MAGI2: variants seen among roughly 807,000 people sequenced by gnomAD.
MAGI2 encodes membrane associated guanylate kinase, WW and PDZ domain containing 2.
MAGI2 carries 35 observed loss-of-function variants against 133.3 expected under a neutral mutation model. The ratio of observed to expected loss-of-function variants is 0.26; its 90% CI spans 0.20 to 0.35. The LOEUF is 0.35. MAGI2 is among the 10% of genes least tolerant of loss of function. MAGI2 has a pLI of 1.00. For missense variants in MAGI2, 1,636 were observed against 1,863.4 expected, an observed-to-expected ratio of 0.88 and a Z score of 2.25; for synonymous variants, 729 against 710.6, an observed-to-expected ratio of 1.03 and a Z score of -0.41.
chr7:78,607,610 G>T (rs2150900081), intron 3 of MAGI2, among the ~76,000 whole-genome samples: 1 of 152,204 alleles, frequency 6.6e-6, no homozygotes, highest in Admixed American at 6.5e-5. Flanking sequence ...TGACCTTTGT[G>T]GTGGTTTAGC....
chr7:78,021,005 C>G (rs981858558), intron 21 of MAGI2, among the ~76,000 whole-genome samples: 1 of 152,076 alleles, frequency 6.6e-6, no homozygotes. Flanking sequence ...AGACAATTGA[C>G]AACATCAAAA....
chr7:79,326,001 A>G (rs1839668037), intron 1 of MAGI2, among the ~76,000 whole-genome samples: 1 of 152,126 alleles, frequency 6.6e-6, no homozygotes, highest in Admixed American at 6.6e-5. Context: ...ACTTCCTCCA[A>G]TTGTGAATCA....
At chr7:79,350,389 G>C (rs2129108831) in intron 1 of MAGI2, among the ~76,000 whole-genome samples, 1 of 152,190 alleles carries the variant, frequency 6.6e-6, no homozygotes. Context: ...TTTTAAACAA[G>C]CACAGAATTT....
intron 2 of MAGI2, among the ~76,000 whole-genome samples, chr7:78,947,666 C>T (rs1174984628): frequency 6.6e-6 from 1 of 152,040 alleles, no homozygotes; most frequent in African/African-American, 2.4e-5. Context: ...TTAAATAGCA[C>T]TTGGCTATTC....
intron 16 of MAGI2, among the ~76,000 whole-genome samples, chr7:78,135,477 A>G (rs553945606): frequency 6.6e-6 from 1 of 152,324 alleles, no homozygotes; most frequent in African/African-American, 2.4e-5. Flanking sequence ...ACCTAGAGTT[A>G]AAAAGACAGC....
chr7:78,406,081 T>G (rs1003002921), intron 6 of MAGI2, among the ~76,000 whole-genome samples: 1 of 152,044 alleles, frequency 6.6e-6, no homozygotes, highest in Non-Finnish European at 1.5e-5. Context: ...TATGTCTAAA[T>G]GACCTTTGTT....
At chr7:78,718,543 G>T (rs1413654602) in intron 2 of MAGI2, among the ~76,000 whole-genome samples, 1 of 151,832 alleles carries the variant, frequency 6.6e-6, no homozygotes, top group Non-Finnish European at 1.5e-5. Flanking sequence ...GTGAATGTGA[G>T]GGGTGTAGGT....
At chr7:78,467,546 T>G (rs972052980) in intron 6 of MAGI2, among the ~76,000 whole-genome samples, 1 of 151,512 alleles carries the variant, frequency 6.6e-6, no homozygotes, top group African/African-American at 2.4e-5. Flanking sequence ...AACAATATAC[T>G]TAGAGGGTAT....
intron 1 of MAGI2, among the ~76,000 whole-genome samples, chr7:79,435,940 T>C (rs1288715155): frequency 2.0e-5 from 3 of 151,760 alleles, no homozygotes; most frequent in African/African-American, 4.8e-5. Context: ...CAATGGAAAA[T>C]AGTAAAGAGT....
At chr7:78,242,027 A>T (rs544332584) in intron 10 of MAGI2, among the ~76,000 whole-genome samples, 1 of 152,294 alleles carries the variant, frequency 6.6e-6, no homozygotes, top group Admixed American at 6.5e-5. Flanking sequence ...TAGACAGCAC[A>T]TAAGGAATAG....
intron 1 of MAGI2, among the ~76,000 whole-genome samples, chr7:79,119,066 AT>A (rs764029522): frequency 8.6e-5 from 13 of 152,046 alleles, no homozygotes; most frequent in Non-Finnish European, 7.4e-5. Flanking sequence ...TACTTGCTTT[AT>A]TTTCCCTATA....
chr7:79,425,485 T>C (rs1359694141), intron 1 of MAGI2, among the ~76,000 whole-genome samples: 3 of 151,632 alleles, frequency 2.0e-5, no homozygotes, highest in Non-Finnish European at 4.4e-5. Context: ...TTGGGGGTTC[T>C]CTAGTACTTC....
intron 3 of MAGI2, among the ~76,000 whole-genome samples, chr7:78,620,790 G>A (rs1807651680): frequency 6.6e-6 from 1 of 151,884 alleles, no homozygotes; most frequent in Admixed American, 6.6e-5. Flanking sequence ...TTAACTCTAG[G>A]ATCAATGACC....
chr7:78,778,895 C>T (rs889532393), intron 2 of MAGI2, among the ~76,000 whole-genome samples: 1 of 146,646 alleles, frequency 6.8e-6, no homozygotes, highest in African/African-American at 2.5e-5. Flanking sequence ...CAGGGCTTTC[C>T]TTTTCAGCCT....
chr7:78,264,536 T>C (rs1793816623), intron 9 of MAGI2, among the ~76,000 whole-genome samples: 1 of 152,208 alleles, frequency 6.6e-6, no homozygotes, highest in South Asian at 2.1e-4. Flanking sequence ...GGGAATCCAC[T>C]GTATTTGCTA....
chr7:79,444,048 A>G (rs1312150935), intron 1 of MAGI2, among the ~76,000 whole-genome samples: 1 of 152,220 alleles, frequency 6.6e-6, no homozygotes, highest in Non-Finnish European at 1.5e-5. Context: ...TATAAACAGA[A>G]CCAACAATAA....
At chr7:79,364,106 C>A (rs954838316) in intron 1 of MAGI2, among the ~76,000 whole-genome samples, 1 of 151,750 alleles carries the variant, frequency 6.6e-6, no homozygotes, top group Non-Finnish European at 1.5e-5. Flanking sequence ...GGTGAGGACA[C>A]AAAGAAAAGG....
intron 2 of MAGI2, among the ~76,000 whole-genome samples, chr7:78,719,926 T>C (rs1375878417): frequency 6.6e-6 from 1 of 152,208 alleles, no homozygotes; most frequent in East Asian, 1.9e-4. Context: ...TTTCACTTTA[T>C]ATAATTTATC....
At chr7:78,074,894 A>C (rs899989822) in intron 21 of MAGI2, among the ~76,000 whole-genome samples, 8 of 152,174 alleles carry the variant, frequency 5.3e-5, no homozygotes, top group Admixed American at 5.2e-4. Context: ...GGCGCAGAAA[A>C]GGTTAACAGA....
Sources: allele counts gnomAD v4.1 joint callset (sites outside exome capture counted in the v4.1 genomes callset), GRCh38; gene constraint gnomAD v4.1.1; transcripts MANE v1.5; gene names NCBI Gene and HGNC (gene_info 2026-07-23, HGNC 2026-07-21).